Variants in SYN1 observed in about 807,000 individuals in gnomAD.
The protein encoded by SYN1 is synapsin-1.
SYN1 carries 8 observed loss-of-function variants against 44.6 expected under a neutral mutation model. The observed-to-expected ratio is 0.18, with a 90% CI of 0.11 to 0.32. The LOEUF (loss-of-function observed/expected upper bound fraction) is 0.32, where lower values mean the gene tolerates loss of function less well. SYN1 is among the 10% of genes least tolerant of loss of function. The probability of loss-of-function intolerance (pLI) is 1.00; values close to 1 mark genes in which losing one functional copy is unlikely to be tolerated. For missense variants in SYN1, 451 were observed against 639.4 expected, an observed-to-expected ratio of 0.71 and a Z score of 3.18; for synonymous variants, 275 against 280.1, an observed-to-expected ratio of 0.98 and a Z score of 0.18.
intron 10 of SYN1, 114 bp downstream of exon 10, chrX:47,575,014 G>A (rs1033101341): frequency 3.8e-4 from 385 of 1,006,948 alleles, no homozygotes; most frequent in Non-Finnish European, 5.1e-4. Flanking sequence ...GCAGCCACAT[G>A]TGTGCAAAGG....
rs906641742 is a variant in SYN1 at position 47,586,174 on chromosome X, C to G, written c.775-8673G>C. Reference sequence around the variant, plus strand: ...GCCCAGTGACTATCTTGAAGCCCCACTGGCTATTCCTGTGCTTAAACTCCT... The same window carrying G: ...GCCCAGTGACTATCTTGAAGCCCCAGTGGCTATTCCTGTGCTTAAACTCCT... On this transcript the variant is annotated intron_variant, in intron 5 of 12. Coordinates refer to ENST00000295987, the MANE Select transcript of SYN1 (RefSeq NM_006950.3). 8.0e-6 allele frequency: 6 copies of G among 752,635 alleles called. No individual in the cohort carries two copies. The African/African-American group carries it at 1.2e-4, about 15-fold the overall frequency. 62.0% of individuals were successfully genotyped at this position (752,635 alleles called of 1,213,427 possible). A position where few individuals can be genotyped will look rare whatever the true frequency, so the allele number is the denominator to read the frequency against.
chrX:47,594,532 C>CAA (rs112489335), intron 5 of SYN1, among the ~76,000 whole-genome samples: 5 of 59,944 alleles, frequency 8.3e-5, no homozygotes, highest in African/African-American at 2.3e-4. Context: ...GACTCTGTCT[C>CAA]AAAAAAAAAA....
At chrX:47,585,967 G>A (rs150231209) in intron 5 of SYN1, 11,363 of 1,058,903 alleles carry the variant, frequency 0.011, 52 homozygotes, top group Non-Finnish European at 0.013. Flanking sequence ...CCCCGGGATT[G>A]TTTCTTGGTT....
In SYN1 at chrX:47,619,247, G is replaced by A; in HGVS notation, c.377+105C>T. ...ATTTAAAGGAAAAAGATTTAGGTGAGAGGGCCAGGTGTCAGGCACACAAGC... is the reference window on the plus strand; with the variant it reads ...ATTTAAAGGAAAAAGATTTAGGTGAAAGGGCCAGGTGTCAGGCACACAAGC... On this transcript the variant is annotated intron_variant, in intron 1 of 12. Coordinates refer to ENST00000295987, the MANE Select transcript of SYN1 (RefSeq NM_006950.3). 6 of 1,106,264 alleles carry A rather than the reference G, an allele frequency of 5.4e-6. No individual in the cohort carries two copies. In the South Asian group the frequency reaches 7.8e-5, roughly 14 times the overall value. The allele number at this position is 1,106,264 out of a possible 1,213,427, so 91.2% of individuals were successfully genotyped here.
At chrX:47,593,470 T>C (rs754877171) in intron 5 of SYN1, among the ~76,000 whole-genome samples, 1 of 110,675 alleles carries the variant, frequency 9.0e-6, no homozygotes, top group Admixed American at 9.7e-5. Context: ...GGTTTTACCA[T>C]GTTGGTCAGG....
Position 47,572,954 on chromosome X carries a change from G to A in SYN1, c.2028C>T (p.Ala676=), listed in dbSNP as rs2057764630. Residue 676 remains alanine, a synonymous_variant, in exon 13 of 13, where the codon GCC becomes GCT. Transcript: ENST00000295987. Reference sequence around the variant, plus strand: ...CCTGGCTAAGGCTGGGCCTGGGCGGGGCTGGCTCTGGAAGGTTGAAGGCAT... The same window carrying A: ...CCTGGCTAAGGCTGGGCCTGGGCGGAGCTGGCTCTGGAAGGTTGAAGGCAT... ...LTNAFNLPEP[A]PPRPSLSQDE... is the part of the protein sequence containing the mutation. The A allele has an allele frequency of 1.7e-6, 2 of 1,211,619 alleles. No individual in the cohort carries two copies. The highest frequency in any genetic ancestry group is 2.2e-6 in the Non-Finnish European group (2 of 895,403).
Position 47,599,280 on chromosome X carries a change from AC to A in SYN1, c.774+5697del, listed in dbSNP as rs756893940. Among the ~76,000 whole-genome samples, 10 of 112,300 alleles carry A rather than the reference AC, an allele frequency of 8.9e-5. No individual in the cohort carries two copies. The South Asian group carries it at 2.9e-3, about 33-fold the overall frequency. On this transcript the variant is annotated intron_variant, in intron 5 of 12. Coordinates refer to ENST00000295987, the MANE Select transcript of SYN1 (RefSeq NM_006950.3). ...CCCTTTTCCTGTTTAGGAAAAAAAAACGTGCAGCTTGCTGCCTGTGCTCACT... is the reference window on the plus strand; with the variant it reads ...CCCTTTTCCTGTTTAGGAAAAAAAAAGTGCAGCTTGCTGCCTGTGCTCACT...
intron 5 of SYN1, among the ~76,000 whole-genome samples, chrX:47,592,351 A>C (rs1484104022): frequency 1.8e-5 from 2 of 109,291 alleles, no homozygotes; most frequent in African/African-American, 6.7e-5. Context: ...TAAATAAATA[A>C]ATAAATAAAT....
chrX:47,579,530 A>T (rs2057788975), intron 5 of SYN1, among the ~76,000 whole-genome samples: 1 of 109,599 alleles, frequency 9.1e-6, no homozygotes, highest in Admixed American at 9.7e-5. Flanking sequence ...ATGGGCCCCC[A>T]CACCCATCCA....
At chrX:47,591,962 A>C (rs1289169600) in intron 5 of SYN1, among the ~76,000 whole-genome samples, 1 of 112,027 alleles carries the variant, frequency 8.9e-6, no homozygotes, top group Non-Finnish European at 1.9e-5. Flanking sequence ...CCATATGTAC[A>C]TGGATCTATA....
intron 5 of SYN1, among the ~76,000 whole-genome samples, chrX:47,601,405 A>C (rs1334855659): frequency 8.9e-6 from 1 of 111,874 alleles, no homozygotes; most frequent in Non-Finnish European, 1.9e-5. Context: ...AAAACTTCCT[A>C]CAAAGACATA....
intron 9 of SYN1, 134 bp downstream of exon 9, chrX:47,575,997 G>A (rs1463354359): frequency 1.7e-5 from 11 of 657,785 alleles, no homozygotes; most frequent in Middle Eastern, 3.7e-4. Flanking sequence ...TCGAAAGTTC[G>A]TCAGGCACCT....
rs368022126 is a variant in SYN1 at position 47,586,701 on chromosome X, G to A, written c.775-9200C>T. Reference sequence around the variant, plus strand: ...GTCCCAGATAGCCTGAATCCTGCCCGGAGTGGAAGCTGAAGCCTGCACAGT... The same window carrying A: ...GTCCCAGATAGCCTGAATCCTGCCCAGAGTGGAAGCTGAAGCCTGCACAGT... On this transcript the variant is annotated intron_variant, in intron 5 of 12. Coordinates refer to ENST00000295987, the MANE Select transcript of SYN1 (RefSeq NM_006950.3). The A allele has an allele frequency of 1.2e-4, 145 of 1,204,112 alleles. No individual in the cohort carries two copies. The Middle Eastern group carries it at 1.5e-3, about 12-fold the overall frequency.
intron 5 of SYN1, chrX:47,590,072 A>G (rs912841855): frequency 9.1e-6 from 1 of 110,483 alleles, no homozygotes; most frequent in South Asian, 4.0e-4. Context: ...CCGAGACCCA[A>G]AAGCTCCTGA....
chrX:47,589,458 C>T (rs1219878215), intron 5 of SYN1, among the ~76,000 whole-genome samples: 2 of 107,786 alleles, frequency 1.9e-5, no homozygotes, highest in East Asian at 2.9e-4. Context: ...AAAAATTAGC[C>T]GAGTATGGTG....
At chrX:47,597,515 A>C (rs1193754828) in intron 5 of SYN1, among the ~76,000 whole-genome samples, 1 of 110,123 alleles carries the variant, frequency 9.1e-6, no homozygotes, top group Non-Finnish European at 1.9e-5. Context: ...AACAAAATGA[A>C]CACAGTCCTA....
At chrX:47,584,996 A>T in intron 5 of SYN1, 1 of 1,211,118 alleles carries the variant, frequency 8.3e-7, no homozygotes, top group East Asian at 3.0e-5. Context: ...TACCAGCGTT[A>T]TGAGATCAAG....
chrX:47,574,621 G>C, intron 11 of SYN1, 31 bp from the exon 12 acceptor site: 2 of 1,118,586 alleles, frequency 1.8e-6, no homozygotes, highest in East Asian at 3.2e-5. Context: ...AAGAGCACAC[G>C]TGAGAGTGAG....
chrX:47,594,010 C>T (rs747447534), intron 5 of SYN1, among the ~76,000 whole-genome samples: 21 of 111,686 alleles, frequency 1.9e-4, no homozygotes, highest in African/African-American at 6.8e-4. Context: ...GCAGGTAGAT[C>T]GCTCAGGCTC....
Sources: allele counts gnomAD v4.1 joint callset (sites outside exome capture counted in the v4.1 genomes callset), GRCh38; gene constraint gnomAD v4.1.1; transcripts MANE v1.5; gene names NCBI Gene and HGNC (gene_info 2026-07-23, HGNC 2026-07-21).